The following MRTFA variants were observed in gnomAD, a reference collection of about 807,000 sequenced individuals.
MRTFA encodes the protein myocardin-related transcription factor A.
MRTFA carries 20 observed loss-of-function variants against 83.5 expected under a neutral mutation model. The observed-to-expected ratio is 0.24, with a 90% CI of 0.17 to 0.35. The LOEUF (loss-of-function observed/expected upper bound fraction) is 0.35. Ranked by LOEUF, MRTFA falls within the 10% of genes least tolerant of loss-of-function variation. The pLI is 1.00. For missense variants in MRTFA, 1,200 were observed against 1,224.7 expected, an observed-to-expected ratio of 0.98 and a Z score of 0.30; for synonymous variants, 659 against 541.2, an observed-to-expected ratio of 1.22 and a Z score of -3.02.
chr22:40,597,705 CT>C (rs2056210255), intron 1 of MRTFA, among the ~76,000 whole-genome samples: 2 of 152,344 alleles, frequency 1.3e-5, no homozygotes, highest in South Asian at 4.1e-4. Flanking sequence ...TCTCCTGACT[CT>C]GTGCCTGGCA....
chr22:40,526,323 A>G (rs1298107422), intron 3 of MRTFA: 2 of 152,186 alleles, frequency 1.3e-5, no homozygotes, highest in Non-Finnish European at 2.9e-5. Flanking sequence ...GTGAGCCACC[A>G]TAACAGGCCC....
chr22:40,506,380 A>T (rs916247177), intron 3 of MRTFA, among the ~76,000 whole-genome samples: 1 of 152,256 alleles, frequency 6.6e-6, no homozygotes, highest in Admixed American at 6.5e-5. Context: ...GCAGTAAGGT[A>T]ATTTGCCAAG....
intron 1 of MRTFA, among the ~76,000 whole-genome samples, chr22:40,597,699 C>G (rs2056210079): frequency 6.6e-6 from 1 of 152,186 alleles, no homozygotes; most frequent in African/African-American, 2.4e-5. Context: ...AAACCCTCTC[C>G]TGACTCTGTG....
At chr22:40,470,231 T>TTATATATATATATATATATA (rs71328709) in intron 3 of MRTFA, among the ~76,000 whole-genome samples, 3 of 45,640 alleles carry the variant, frequency 6.6e-5, no homozygotes, top group African/African-American at 1.7e-4. Flanking sequence ...CTCCAAAATT[T>TTATATATATATATATATATA]TATATATATA....
At chr22:40,570,670 T>A (rs2055777202) in intron 2 of MRTFA, among the ~76,000 whole-genome samples, 1 of 148,896 alleles carries the variant, frequency 6.7e-6, no homozygotes, top group South Asian at 2.1e-4. Flanking sequence ...TATGAGATGG[T>A]TGGAGTACAA....
At position 40,418,952 on chromosome 22, in the gene MRTFA, T is replaced by A. The variant is rs2147068277; in HGVS notation, c.1786A>T (p.Ile596Phe). 1 of 1,612,828 alleles carries A rather than the reference T, an allele frequency of 6.2e-7. No homozygotes were observed. The highest frequency in any genetic ancestry group is 8.5e-7 in the Non-Finnish European group (1 of 1,179,926). Residue 596 changes from isoleucine (I) to phenylalanine (F), a missense_variant, in exon 12 of 15, where the codon ATC (isoleucine) becomes TTC (phenylalanine). Physicochemically the swap from Ile to Phe is conservative, Grantham distance 21. Around this residue, in one of 2 missense-constraint regions of MRTFA, gnomAD observed 1,107 missense variants for 1,041.8 expected, o/e 1.06. Coordinates refer to ENST00000355630, the MANE Select transcript of MRTFA (RefSeq NM_020831.6). Reference sequence around the variant, plus strand: ...CGGGGGCCCTCCTCCTTCACGAGGATCTGCAGTGGCGAGGCCTGCAGGGTC... The same window carrying A: ...CGGGGGCCCTCCTCCTTCACGAGGAACTGCAGTGGCGAGGCCTGCAGGGTC...
chr22:40,546,016 C>T (rs1439356959), intron 3 of MRTFA, among the ~76,000 whole-genome samples: 1 of 152,244 alleles, frequency 6.6e-6, no homozygotes, highest in African/African-American at 2.4e-5. Context: ...CGTGAGCCGC[C>T]GTACCCGGCC....
chr22:40,542,296 T>G lies in MRTFA; in HGVS notation c.241+9810A>C, dbSNP rs890479123. 7.9e-5 allele frequency among the ~76,000 whole-genome samples: 12 copies of G among 152,318 alleles called. No individual in the cohort carries two copies. The South Asian group carries it at 2.5e-3, about 32-fold the overall frequency. On this transcript the variant is annotated intron_variant, in intron 3 of 14. Transcript: ENST00000355630. ...TTTGGATCTCTGCTTAAATGTCTCT[T>G]CCTCAAAGAAGCCTTCCCTACATGA...
rs1295097454 is a variant in MRTFA, at chr22:40,471,994, A to C, written c.242-8708T>G. Reference sequence around the variant, plus strand: ...TATTATTCTCTGATTCCAAAGCCAGAGAAAGACATCAAAACAAAACTACAG... The same window carrying C: ...TATTATTCTCTGATTCCAAAGCCAGCGAAAGACATCAAAACAAAACTACAG... On this transcript the variant is annotated intron_variant, in intron 3 of 14. Transcript: ENST00000355630. 2.0e-5 allele frequency among the ~76,000 whole-genome samples: 3 copies of C among 152,264 alleles called. No homozygotes were observed. In the East Asian group the frequency reaches 5.8e-4, roughly 29 times the overall value.
intron 2 of MRTFA, among the ~76,000 whole-genome samples, chr22:40,558,327 A>C (rs1156325995): frequency 7.1e-6 from 1 of 141,758 alleles, no homozygotes; most frequent in African/African-American, 2.7e-5. Flanking sequence ...GGCTGGTCTC[A>C]AACTCCTGGC....
intron 3 of MRTFA, among the ~76,000 whole-genome samples, chr22:40,506,166 G>A (rs1054772170): frequency 7.2e-5 from 11 of 152,108 alleles, no homozygotes; most frequent in South Asian, 2.1e-4. Context: ...CCCGGGAGGC[G>A]GAGCTTGCAG....
At chr22:40,447,211 G>T (rs2053395864) in intron 4 of MRTFA, among the ~76,000 whole-genome samples, 1 of 151,884 alleles carries the variant, frequency 6.6e-6, no homozygotes, top group Non-Finnish European at 1.5e-5. Flanking sequence ...CAAAAATTAG[G>T]CATGGTGGCG....
At chr22:40,491,565 C>A (rs867187925) in intron 3 of MRTFA, among the ~76,000 whole-genome samples, 3 of 152,300 alleles carry the variant, frequency 2.0e-5, no homozygotes, top group Non-Finnish European at 2.9e-5. Flanking sequence ...ACAGAAGAAA[C>A]TGAAATGATC....
At chr22:40,548,260 G>A (rs1280397054) in intron 3 of MRTFA, among the ~76,000 whole-genome samples, 2 of 147,816 alleles carry the variant, frequency 1.4e-5, no homozygotes, top group Admixed American at 6.9e-5. Context: ...TCAGGAGGCT[G>A]AGGCACAAGA....
At chr22:40,564,008 C>A (rs564011384) in intron 2 of MRTFA, among the ~76,000 whole-genome samples, 1 of 152,232 alleles carries the variant, frequency 6.6e-6, no homozygotes, top group East Asian at 1.9e-4. Flanking sequence ...AAGAAGGGAA[C>A]GACCATACAA....
chr22:40,477,057 C>T (rs1822991312), intron 3 of MRTFA, among the ~76,000 whole-genome samples: 1 of 150,958 alleles, frequency 6.6e-6, no homozygotes, highest in African/African-American at 2.4e-5. Context: ...TGGCCAGGTG[C>T]GGTGGCTCAT....
intron 13 of MRTFA, 117 bp downstream of exon 13, chr22:40,417,224 T>A: frequency 6.8e-7 from 1 of 1,460,986 alleles, no homozygotes. Flanking sequence ...AAGGCCTCTC[T>A]GACCCTGAAG....
intron 3 of MRTFA, chr22:40,522,494 G>A (rs2054887167): frequency 2.6e-5 from 4 of 152,150 alleles, no homozygotes; most frequent in Admixed American, 1.3e-4. Context: ...GAGATGTGTT[G>A]GATTTACTCT....
At chr22:40,507,395 A>G (rs2054596983) in intron 3 of MRTFA, among the ~76,000 whole-genome samples, 1 of 151,826 alleles carries the variant, frequency 6.6e-6, no homozygotes, top group South Asian at 2.1e-4. Context: ...CAAACTTCCC[A>G]GCTGGGCGCC....
Sources: allele counts gnomAD v4.1 joint callset (sites outside exome capture counted in the v4.1 genomes callset), GRCh38; gene constraint gnomAD v4.1.1; regional missense constraint gnomAD v4.1.1; transcripts MANE v1.5; gene names NCBI Gene and HGNC (gene_info 2026-07-23, HGNC 2026-07-21).